Variants in METTL2B observed in about 807,000 individuals in gnomAD.
METTL2B encodes tRNA N(3)-cytidine methyltransferase METTL2B.
Under a neutral mutation model 51.0 loss-of-function variants are expected in METTL2B, and 28 were observed. The observed-to-expected ratio is 0.55, with a 90% CI of 0.41 to 0.75. METTL2B has a LOEUF of 0.75. METTL2B is among the 30% of genes least tolerant of loss of function. The pLI is 0.00. For missense variants in METTL2B, 313 were observed against 460.7 expected (o/e 0.68, Z 2.93); for synonymous variants, 128 against 166.3 (o/e 0.77, Z 1.77).
At chr7:128,479,847 T>A (rs1799850835) in intron 3 of METTL2B, among the ~76,000 whole-genome samples, 1 of 151,490 alleles carries the variant, frequency 6.6e-6, no homozygotes, top group African/African-American at 2.4e-5. Context: ...TCTGGAAAAA[T>A]GTCCCAGATC....
chr7:128,501,360 C>T (rs73721399), intron 8 of METTL2B: 1 of 985,326 alleles, frequency 1.0e-6, no homozygotes, highest in African/African-American at 1.7e-5. Flanking sequence ...CTGCAACTGG[C>T]CCATCCACAG....
intron 8 of METTL2B, 196 bp from the exon 9 acceptor site, chr7:128,501,566 C>T (rs758163617): frequency 2.3e-5 from 23 of 985,130 alleles, no homozygotes; most frequent in Non-Finnish European, 1.3e-5. Flanking sequence ...AAGAAAAAAC[C>T]GCGGCCTATA....
intron 7 of METTL2B, 39 bp from the exon 8 acceptor site, chr7:128,500,864 C>CT: frequency 6.2e-7 from 1 of 1,612,344 alleles, no homozygotes; most frequent in Non-Finnish European, 8.5e-7. Context: ...CAAAGAGACA[C>CT]TTTAAAGTGT....
chr7:128,482,122 T>G (rs1026578637), intron 4 of METTL2B, among the ~76,000 whole-genome samples: 5 of 152,186 alleles, frequency 3.3e-5, no homozygotes. Context: ...GGTCATCTCA[T>G]TAACATAAAT....
At position 128,502,146 on chromosome 7, in the gene METTL2B, G is replaced by A. The variant is rs1744264726; in HGVS notation, c.*230G>A. The stretch of plus-strand genomic sequence containing the variant: ...TATAAATGAGGTCTCGTTGATGCTG[G>A]ACAATTCAAGAATTCAGACTTGAAC... On this transcript the variant is annotated 3_prime_UTR_variant, in exon 9 of 9. Transcript: ENST00000262432. 1 of 512,476 alleles carries A rather than the reference G, an allele frequency of 2.0e-6. No homozygotes were observed. Among genetic ancestry groups the A allele is most frequent in the Admixed American group, 3.8e-5 (1 of 26,462 alleles). The allele number at this position is 512,476 out of a possible 1,614,324, so 31.7% of individuals were successfully genotyped here.
At chr7:128,493,189 G>T (rs1792865702) in intron 5 of METTL2B, among the ~76,000 whole-genome samples, 1 of 151,578 alleles carries the variant, frequency 6.6e-6, no homozygotes, top group Non-Finnish European at 1.5e-5. Context: ...AAAAGTAATT[G>T]TCGTTTTTGC....
intron 4 of METTL2B, among the ~76,000 whole-genome samples, chr7:128,486,766 A>G (rs1792727059): frequency 6.6e-6 from 1 of 152,140 alleles, no homozygotes; most frequent in African/African-American, 2.4e-5. Flanking sequence ...CTCTACTAAA[A>G]ATACAAAAAT....
chr7:128,489,391 G>T (rs1352820977), intron 5 of METTL2B, among the ~76,000 whole-genome samples: 1 of 151,094 alleles, frequency 6.6e-6, no homozygotes, highest in East Asian at 2.0e-4. Flanking sequence ...AGCCAAGATC[G>T]TGCCACTGCA....
chr7:128,499,592 C>CACTGCA (rs112290421), intron 7 of METTL2B, among the ~76,000 whole-genome samples: 45,339 of 148,702 alleles, frequency 0.3, 7,134 homozygotes, highest in East Asian at 0.35. Flanking sequence ...GATCTCGGCT[C>CACTGCA]ACTGCAACGT....
chr7:128,496,449 C>T lies in METTL2B; in HGVS notation c.810-1587C>T, dbSNP rs138757813. Among the ~76,000 whole-genome samples the T allele has an allele frequency of 3.8e-4, 58 of 152,196 alleles. No homozygotes were observed. The East Asian group carries it at 0.011, about 28-fold the overall frequency. ...GTCCCAGCTACTCAGAAGGCTGAGG[C>T]GGGAGTATGGCTTAAGCCCAGGAGT... On this transcript the variant is annotated intron_variant, in intron 6 of 8. Coordinates refer to ENST00000262432, the MANE Select transcript of METTL2B (RefSeq NM_018396.3).
chr7:128,495,673 G>C (rs1298533076), intron 6 of METTL2B, among the ~76,000 whole-genome samples: 2 of 152,038 alleles, frequency 1.3e-5, no homozygotes, highest in South Asian at 2.1e-4. Flanking sequence ...GGCTGATCTT[G>C]AGCTCCTGAC....
Position 128,502,456 on chromosome 7 carries a change from T to C in METTL2B, c.*540T>C, listed in dbSNP as rs1422316668. ...GGGCTAGGCAATTGCAGTTAATACA[T>C]ACAGGGGTTAGTGAAGGGCTTATTA... On this transcript the variant is annotated 3_prime_UTR_variant, in exon 9 of 9. Transcript: ENST00000262432. 5.3e-6 allele frequency: 2 copies of C among 376,940 alleles called. No individual in the cohort carries two copies. Among genetic ancestry groups the C allele is most frequent in the Admixed American group, 3.6e-5 (1 of 27,864 alleles). 23.3% of individuals were successfully genotyped at this position (376,940 alleles called of 1,614,324 possible). A position where few individuals can be genotyped will look rare whatever the true frequency, so the allele number is the denominator to read the frequency against.
intron 5 of METTL2B, among the ~76,000 whole-genome samples, chr7:128,492,381 C>T (rs1181257011): frequency 6.6e-6 from 1 of 151,828 alleles, no homozygotes; most frequent in Admixed American, 6.6e-5. Context: ...TGGTTTTGAA[C>T]TCCTGACCTC....
chr7:128,480,429 C>A (rs541360588), intron 3 of METTL2B, among the ~76,000 whole-genome samples: 1 of 152,168 alleles, frequency 6.6e-6, no homozygotes, highest in Non-Finnish European at 1.5e-5. Flanking sequence ...TAGACCACCT[C>A]GTTTCTGCTA....
intron 6 of METTL2B, among the ~76,000 whole-genome samples, chr7:128,494,761 G>T (rs1201910691): frequency 6.6e-6 from 1 of 152,110 alleles, no homozygotes; most frequent in Non-Finnish European, 1.5e-5. Context: ...CCGAGTAGCT[G>T]GGATTACAGG....
At chr7:128,493,577 T>C in intron 5 of METTL2B, among the ~76,000 whole-genome samples, 1 of 152,110 alleles carries the variant, frequency 6.6e-6, no homozygotes, top group East Asian at 1.9e-4. Context: ...TAGAAATATA[T>C]CCCCTACTCT....
chr7:128,482,362 C>T (rs1799882552), intron 4 of METTL2B, among the ~76,000 whole-genome samples: 2 of 152,024 alleles, frequency 1.3e-5, no homozygotes, highest in South Asian at 4.1e-4. Flanking sequence ...CCACATTGGC[C>T]AGGCTGGTCT....
At position 128,502,964 on chromosome 7, in the gene METTL2B, T is replaced by G. The variant is rs1793058715; in HGVS notation, c.*1048T>G. The G allele has an allele frequency of 5.8e-6, 1 of 171,860 alleles. No homozygotes were observed. Among genetic ancestry groups the G allele is most frequent in the Non-Finnish European group, 1.3e-5 (1 of 79,728 alleles). The allele number at this position is 171,860 out of a possible 1,614,324, so 10.6% of individuals were successfully genotyped here. The stretch of plus-strand genomic sequence containing the variant: ...TAAGCACTGTTCCCCCTCTAACCTA[T>G]GTCTAAAGAATTAAAAGAATTTGGC... On this transcript the variant is annotated 3_prime_UTR_variant, in exon 9 of 9. Transcript: ENST00000262432.
chr7:128,489,243 C>G (rs1792780047), intron 5 of METTL2B, among the ~76,000 whole-genome samples: 1 of 152,128 alleles, frequency 6.6e-6, no homozygotes. Context: ...CTGGCCTAGG[C>G]AACATGGTGA....
Sources: allele counts gnomAD v4.1 joint callset (sites outside exome capture counted in the v4.1 genomes callset), GRCh38; gene constraint gnomAD v4.1.1; transcripts MANE v1.5; gene names NCBI Gene and HGNC (gene_info 2026-07-23, HGNC 2026-07-21).